The following NRG4 variants were observed in gnomAD, a reference collection of about 807,000 sequenced individuals.
NRG4 encodes the protein neuregulin 4.
A neutral mutation model predicts 15.0 loss-of-function variants in NRG4; 10 were observed. The observed-to-expected ratio is 0.67, with a 90% CI of 0.41 to 1.13. NRG4 has a LOEUF of 1.13. NRG4 is among the 50% of genes most tolerant of loss of function. The probability of loss-of-function intolerance (pLI) is 0.00; values close to 1 mark genes in which losing one functional copy is unlikely to be tolerated. For missense variants in NRG4, 139 were observed against 140.2 expected (o/e 0.99, Z 0.04); for synonymous variants, 41 against 50.1 (o/e 0.82, Z 0.77).
rs71140189 is a variant in NRG4 at position 75,967,456 on chromosome 15, A to ATTTTT, written c.105-5487_105-5483dup. On this transcript the variant is annotated intron_variant, in intron 3 of 5. Coordinates refer to ENST00000394907, the MANE Select transcript of NRG4 (RefSeq NM_138573.4). ...GTCCAGTTATGAAGCAAAATCTTAG[A>ATTTTT]TTTTTTTTTTTTTTTTTTTTTTGAG... 3.1e-4 allele frequency among the ~76,000 whole-genome samples: 31 copies of ATTTTT among 100,200 alleles called. 1 individual carries two copies. The highest frequency in any genetic ancestry group is 2.0e-3 in the East Asian group (6 of 3,054). 65.7% of individuals were successfully genotyped at this position (100,200 alleles called of 152,430 possible).
intron 3 of NRG4, among the ~76,000 whole-genome samples, chr15:75,973,431 C>T (rs896091362): frequency 6.6e-5 from 10 of 152,144 alleles, no homozygotes; most frequent in Non-Finnish European, 1.5e-4. Context: ...GAGAGGGCAT[C>T]CTTGTCTTGT....
intron 3 of NRG4, chr15:76,052,899 T>C (rs886373752): frequency 2.6e-5 from 4 of 151,168 alleles, no homozygotes; most frequent in African/African-American, 9.8e-5. Context: ...TTAAGAATAG[T>C]ATATTTTTGT....
At chr15:76,015,628 G>C (rs998894725), upstream of NRG4, among the ~76,000 whole-genome samples, 1 of 152,170 alleles carries the variant, frequency 6.6e-6, no homozygotes, top group Non-Finnish European at 1.5e-5. Context: ...CATTGGTTCT[G>C]TTTATGTGAT....
upstream of NRG4, among the ~76,000 whole-genome samples, chr15:76,014,201 T>C (rs927343577): frequency 6.6e-6 from 1 of 152,238 alleles, no homozygotes; most frequent in Admixed American, 6.5e-5. Flanking sequence ...TTGGTTTTTT[T>C]CTTGTAAATT....
At chr15:75,954,994 C>T (rs909666366) in intron 5 of NRG4, among the ~76,000 whole-genome samples, 5 of 152,020 alleles carry the variant, frequency 3.3e-5, no homozygotes, top group Admixed American at 1.3e-4. Flanking sequence ...TGTACTCTAC[C>T]CCGTGCCCCG....
chr15:75,985,872 G>C (rs898686010), intron 3 of NRG4, among the ~76,000 whole-genome samples: 1 of 152,074 alleles, frequency 6.6e-6, no homozygotes, highest in African/African-American at 2.4e-5. Context: ...TGACAAACTA[G>C]AAGAGAATGT....
chr15:76,034,808 G>A (rs370209140), intron 5 of NRG4, among the ~76,000 whole-genome samples: 12 of 152,120 alleles, frequency 7.9e-5, no homozygotes, highest in East Asian at 3.9e-4. Flanking sequence ...AGGAGCTAAA[G>A]GCAGAATACT....
At chr15:76,053,514 C>T (rs959408483) in intron 2 of NRG4, 1 of 150,948 alleles carries the variant, frequency 6.6e-6, no homozygotes, top group East Asian at 1.9e-4. Flanking sequence ...CTATCAATAA[C>T]TACATGGATA....
chr15:75,960,900 T>C (rs1231559683), intron 4 of NRG4, among the ~76,000 whole-genome samples: 1 of 152,206 alleles, frequency 6.6e-6, no homozygotes, highest in Non-Finnish European at 1.5e-5. Flanking sequence ...GCTTAAATGA[T>C]ATGTTTTGGA....
chr15:76,026,165 G>C (rs189489522), intron 5 of NRG4, among the ~76,000 whole-genome samples: 52 of 152,334 alleles, frequency 3.4e-4, no homozygotes, highest in Non-Finnish European at 5.9e-4. Context: ...AGTTTTGGGA[G>C]AGAGACAGAT....
intron 3 of NRG4, among the ~76,000 whole-genome samples, chr15:75,978,990 T>G (rs960861137): frequency 2.6e-5 from 4 of 152,164 alleles, no homozygotes; most frequent in African/African-American, 9.7e-5. Context: ...TCCTGCAGAA[T>G]TGTTGGAGTT....
At chr15:76,005,454 G>T (rs1190866333) in intron 3 of NRG4, among the ~76,000 whole-genome samples, 1 of 151,492 alleles carries the variant, frequency 6.6e-6, no homozygotes, top group African/African-American at 2.4e-5. Context: ...GGAAGCCCGA[G>T]GTGGGTGGAT....
intron 4 of NRG4, among the ~76,000 whole-genome samples, chr15:76,051,341 C>T (rs1352452617): frequency 6.7e-6 from 1 of 150,336 alleles, no homozygotes; most frequent in African/African-American, 2.5e-5. Flanking sequence ...GGCTCTCACT[C>T]TGTTGCCCAG....
At chr15:76,053,901 A>G (rs1283040453) in intron 2 of NRG4, among the ~76,000 whole-genome samples, 7 of 150,998 alleles carry the variant, frequency 4.6e-5, no homozygotes, top group Admixed American at 1.3e-4. Flanking sequence ...TGTTTTCAAT[A>G]CATGTATATG....
intron 3 of NRG4, among the ~76,000 whole-genome samples, chr15:75,982,365 T>G (rs1483722969): frequency 2.6e-5 from 4 of 152,106 alleles, no homozygotes; most frequent in Non-Finnish European, 5.9e-5. Flanking sequence ...TAGATATAGT[T>G]AAAGAGAAAA....
intron 5 of NRG4, among the ~76,000 whole-genome samples, chr15:75,949,794 G>A (rs1337910223): frequency 6.6e-6 from 1 of 152,154 alleles, no homozygotes; most frequent in East Asian, 1.9e-4. Context: ...TTTTGCATGT[G>A]AATATCCAAA....
intron 4 of NRG4, among the ~76,000 whole-genome samples, chr15:75,959,325 G>A (rs920453545): frequency 2.6e-5 from 4 of 151,860 alleles, no homozygotes; most frequent in Non-Finnish European, 5.9e-5. Flanking sequence ...AATTCCCAGT[G>A]GAATAGCAGA....
intron 5 of NRG4, among the ~76,000 whole-genome samples, chr15:75,947,174 T>A (rs143801134): frequency 6.6e-6 from 1 of 152,314 alleles, no homozygotes; most frequent in Non-Finnish European, 1.5e-5. Context: ...ATTTTACTTG[T>A]CCTCAGACTG....
chr15:75,946,712 T>C (rs2031542050), intron 5 of NRG4, among the ~76,000 whole-genome samples: 1 of 152,140 alleles, frequency 6.6e-6, no homozygotes, highest in Non-Finnish European at 1.5e-5. Flanking sequence ...AAACAGTAAC[T>C]CCCTATTCCT....
Sources: allele counts gnomAD v4.1 joint callset (sites outside exome capture counted in the v4.1 genomes callset), GRCh38; gene constraint gnomAD v4.1.1; transcripts MANE v1.5; gene names NCBI Gene and HGNC (gene_info 2026-07-23, HGNC 2026-07-21).